The following LUZP2 variants were observed in gnomAD, a reference collection of about 807,000 sequenced individuals.
LUZP2 encodes the protein leucine zipper protein 2.
A neutral mutation model predicts 51.6 loss-of-function variants in LUZP2; 52 were observed. The observed-to-expected ratio is 1.01, with a 90% CI of 0.81 to 1.27. LUZP2 has a LOEUF of 1.27. Among genes scored for constraint, LUZP2 ranks in the 50% most tolerant of loss-of-function variants. LUZP2 has a pLI of 0.00. For synonymous variants in LUZP2, 154 were observed against 137.3 expected (o/e 1.12, Z -0.85); for missense variants, 436 against 395.4 (o/e 1.10, Z -0.87).
chr11:24,917,406 G>A (rs1853826687), intron 7 of LUZP2, among the ~76,000 whole-genome samples: 1 of 152,070 alleles, frequency 6.6e-6, no homozygotes, highest in Admixed American at 6.6e-5. Flanking sequence ...TGAAGTCCTT[G>A]CCCATGCCTA....
chr11:25,027,918 A>C (rs1336958468), intron 9 of LUZP2, among the ~76,000 whole-genome samples: 1 of 151,580 alleles, frequency 6.6e-6, no homozygotes, highest in Non-Finnish European at 1.5e-5. Context: ...AATGTTTTCC[A>C]TTGGCTAGTG....
At chr11:25,069,768 G>A (rs1041722500) in intron 10 of LUZP2, among the ~76,000 whole-genome samples, 21 of 151,492 alleles carry the variant, frequency 1.4e-4, no homozygotes, top group Admixed American at 3.3e-4. Flanking sequence ...GAAATAAAAC[G>A]TTAGTTCTTT....
chr11:24,812,755 C>A (rs1850057652), intron 5 of LUZP2, among the ~76,000 whole-genome samples: 1 of 152,034 alleles, frequency 6.6e-6, no homozygotes. Flanking sequence ...AAAAGAGAAC[C>A]AAATGATATA....
At chr11:24,999,592 C>T (rs1318791618) in intron 9 of LUZP2, among the ~76,000 whole-genome samples, 1 of 148,126 alleles carries the variant, frequency 6.8e-6, no homozygotes, top group Non-Finnish European at 1.5e-5. Context: ...GGTCTTAATC[C>T]CTTGACCTCG....
chr11:24,584,947 A>G (rs553964059), intron 1 of LUZP2, among the ~76,000 whole-genome samples: 1 of 152,314 alleles, frequency 6.6e-6, no homozygotes, highest in African/African-American at 2.4e-5. Context: ...TTCCACCTAC[A>G]TAATCTAACT....
At chr11:25,071,150 C>G (rs1166608571) in intron 10 of LUZP2, among the ~76,000 whole-genome samples, 1 of 151,822 alleles carries the variant, frequency 6.6e-6, no homozygotes, top group Non-Finnish European at 1.5e-5. Context: ...TGAAACATAC[C>G]TATTTGTATC....
At chr11:24,998,195 G>A (rs1342040221) in intron 9 of LUZP2, among the ~76,000 whole-genome samples, 5 of 152,056 alleles carry the variant, frequency 3.3e-5, no homozygotes. Context: ...CATTGAATCT[G>A]TAAATTACCT....
At chr11:24,595,644 A>G (rs528667656) in intron 1 of LUZP2, among the ~76,000 whole-genome samples, 1 of 152,340 alleles carries the variant, frequency 6.6e-6, no homozygotes, top group South Asian at 2.1e-4. Context: ...CCCCATAGCC[A>G]GTTACAAAAG....
chr11:25,058,200 T>C (rs935400713), intron 10 of LUZP2, among the ~76,000 whole-genome samples: 1 of 152,010 alleles, frequency 6.6e-6, no homozygotes, highest in Admixed American at 6.6e-5. Context: ...CCAAATAGTG[T>C]AGGAATGATA....
chr11:24,815,113 T>C (rs1850140493), intron 5 of LUZP2, among the ~76,000 whole-genome samples: 1 of 152,220 alleles, frequency 6.6e-6, no homozygotes, highest in Non-Finnish European at 1.5e-5. Flanking sequence ...TGAATCTGTG[T>C]TGTTAAAATG....
intron 9 of LUZP2, among the ~76,000 whole-genome samples, chr11:25,015,623 A>G (rs1387313750): frequency 6.6e-6 from 1 of 152,022 alleles, no homozygotes; most frequent in Non-Finnish European, 1.5e-5. Flanking sequence ...TCATGCTTGG[A>G]CTGGAGTTAC....
chr11:24,991,586 G>A (rs375199606), intron 9 of LUZP2, among the ~76,000 whole-genome samples: 2 of 151,806 alleles, frequency 1.3e-5, no homozygotes, highest in African/African-American at 2.4e-5. Flanking sequence ...TAGGTAGCCA[G>A]TAATGGAATT....
intron 1 of LUZP2, among the ~76,000 whole-genome samples, chr11:24,698,554 G>A (rs1188261605): frequency 6.6e-6 from 1 of 152,132 alleles, no homozygotes; most frequent in Non-Finnish European, 1.5e-5. Context: ...CTTGGCTCTT[G>A]TCTGCAATGA....
intron 1 of LUZP2, among the ~76,000 whole-genome samples, chr11:24,664,937 G>T (rs907586829): frequency 6.6e-6 from 1 of 152,138 alleles, no homozygotes; most frequent in African/African-American, 2.4e-5. Flanking sequence ...TCCCCATGGG[G>T]TCACTGCCTG....
intron 5 of LUZP2, among the ~76,000 whole-genome samples, chr11:24,813,806 C>T (rs752596349): frequency 1.3e-5 from 2 of 152,192 alleles, no homozygotes; most frequent in Admixed American, 1.3e-4. Context: ...CTCTGAGATG[C>T]CCCTCCCTTC....
chr11:24,794,753 A>G (rs560307118), intron 5 of LUZP2, among the ~76,000 whole-genome samples: 53 of 152,236 alleles, frequency 3.5e-4, no homozygotes, highest in African/African-American at 1.2e-3. Flanking sequence ...TTCTCTCATA[A>G]GTTTCTTTCA....
intron 5 of LUZP2, among the ~76,000 whole-genome samples, chr11:24,773,394 G>C (rs897952695): frequency 6.6e-6 from 1 of 152,162 alleles, no homozygotes; most frequent in Non-Finnish European, 1.5e-5. Context: ...TCAGCCAAGA[G>C]ATGAATAGCA....
intron 7 of LUZP2, among the ~76,000 whole-genome samples, chr11:24,946,031 A>T (rs1377433830): frequency 6.6e-6 from 1 of 152,046 alleles, no homozygotes; most frequent in East Asian, 1.9e-4. Flanking sequence ...GATGATTTTC[A>T]TATTTTGGAC....
Position 24,517,313 on chromosome 11 carries a change from G to A in LUZP2, c.62+20008G>A, listed in dbSNP as rs375286630. Reference sequence around the variant, plus strand: ...ATCCTGGCTAACACAGTGAAACCCCGTCTCTACTAAACATACAAAAAGATT... The same window carrying A: ...ATCCTGGCTAACACAGTGAAACCCCATCTCTACTAAACATACAAAAAGATT... On this transcript the variant is annotated intron_variant, in intron 1 of 11. Coordinates refer to ENST00000336930, the MANE Select transcript of LUZP2 (RefSeq NM_001009909.4). Among the ~76,000 whole-genome samples the A allele has an allele frequency of 3.7e-4, 56 of 151,276 alleles. No homozygotes were observed. In the East Asian group the frequency reaches 6.5e-3, roughly 17 times the overall value.
Sources: allele counts gnomAD v4.1 joint callset (sites outside exome capture counted in the v4.1 genomes callset), GRCh38; gene constraint gnomAD v4.1.1; transcripts MANE v1.5; gene names NCBI Gene and HGNC (gene_info 2026-07-23, HGNC 2026-07-21).